UBASH3B: variants seen among roughly 807,000 people sequenced by gnomAD.
UBASH3B encodes the protein ubiquitin associated and SH3 domain containing B.
In UBASH3B, 37 loss-of-function variants were observed where a neutral mutation model predicts 83.4. The ratio of observed to expected loss-of-function variants is 0.44; its 90% confidence interval spans 0.34 to 0.58. The LOEUF is 0.58. Among genes scored for constraint, UBASH3B ranks in the 20% least tolerant of loss-of-function variants. UBASH3B has a pLI of 0.01. For synonymous variants in UBASH3B, 304 were observed against 318.3 expected, an observed-to-expected ratio of 0.96 and a Z score of 0.48; for missense variants, 657 against 827.2, an observed-to-expected ratio of 0.79 and a Z score of 2.52.
chr11:122,798,883 G>A (rs1396114166), intron 9 of UBASH3B, 59 bp from the exon 10 acceptor site: 6 of 1,447,000 alleles, frequency 4.1e-6, no homozygotes, highest in African/African-American at 2.8e-5. Flanking sequence ...CTCACACTGC[G>A]GGTCAAGGTG....
intron 1 of UBASH3B, among the ~76,000 whole-genome samples, chr11:122,712,360 C>G (rs1292708466): frequency 1.3e-5 from 2 of 152,130 alleles, no homozygotes; most frequent in East Asian, 3.8e-4. Context: ...GGGAGGTCTG[C>G]TGACTTTCCT....
intron 13 of UBASH3B, among the ~76,000 whole-genome samples, chr11:122,809,540 C>A (rs7950464): frequency 0.025 from 3,739 of 148,404 alleles, 156 homozygotes; most frequent in African/African-American, 0.086. Flanking sequence ...TCTGATGAAT[C>A]CTCTTGCAAT....
intron 1 of UBASH3B, among the ~76,000 whole-genome samples, chr11:122,720,383 T>A (rs1343800302): frequency 1.3e-5 from 2 of 152,230 alleles, no homozygotes; most frequent in Non-Finnish European, 2.9e-5. Context: ...TTGCTTGTAT[T>A]ATTGCAATTG....
chr11:122,706,068 T>C (rs146354962), intron 1 of UBASH3B, among the ~76,000 whole-genome samples: 8 of 152,016 alleles, frequency 5.3e-5, no homozygotes, highest in African/African-American at 1.9e-4. Flanking sequence ...AGCCAAAAAA[T>C]TCCTTCTTTA....
chr11:122,799,856 A>G (rs1347553821), intron 10 of UBASH3B, among the ~76,000 whole-genome samples: 1 of 152,226 alleles, frequency 6.6e-6, no homozygotes. Flanking sequence ...AAGGAAAACT[A>G]AAAGCAACAG....
At chr11:122,776,854 G>A (rs1426245667) in intron 2 of UBASH3B, among the ~76,000 whole-genome samples, 170 bp from the exon 3 acceptor site, 1 of 152,182 alleles carries the variant, frequency 6.6e-6, no homozygotes, top group Non-Finnish European at 1.5e-5. Flanking sequence ...TCTGAGAATT[G>A]GTTATGAAGT....
chr11:122,776,410 T>G, intron 2 of UBASH3B, 138 bp downstream of exon 2: 1 of 750,698 alleles, frequency 1.3e-6, no homozygotes, highest in Non-Finnish European at 2.1e-6. Context: ...CAAGTGCGTT[T>G]ATCAAGTCAA....
At chr11:122,761,161 C>T (rs1861364920) in intron 1 of UBASH3B, among the ~76,000 whole-genome samples, 1 of 152,146 alleles carries the variant, frequency 6.6e-6, no homozygotes. Context: ...AGTGGCATCT[C>T]CCCACTCTCC....
intron 1 of UBASH3B, among the ~76,000 whole-genome samples, chr11:122,668,575 G>T (rs1333772008): frequency 6.6e-6 from 1 of 152,128 alleles, no homozygotes; most frequent in Non-Finnish European, 1.5e-5. Context: ...CCATCCATGA[G>T]GGTAAGAACA....
chr11:122,796,800 G>A (rs1393008001), intron 8 of UBASH3B, 111 bp from the exon 9 acceptor site: 3 of 1,429,274 alleles, frequency 2.1e-6, no homozygotes, highest in Non-Finnish European at 9.8e-7. Context: ...AGAGCTCAGT[G>A]TGATCTCTTT....
In UBASH3B at chr11:122,667,799, G is replaced by A. The variant is rs183895343; in HGVS notation, c.161+11589G>A. Among the ~76,000 whole-genome samples, 290 of 152,306 alleles carry A rather than the reference G, an allele frequency of 1.9e-3. 2 individuals carry two copies. The highest frequency in any genetic ancestry group is 6.7e-3 in the African/African-American group (279 of 41,562). Reference sequence around the variant, plus strand: ...TGGAATTGCTAGTAGGGCTCATCTAGTCTAGTACCCTTTTTCTTTACACTT... The same window carrying A: ...TGGAATTGCTAGTAGGGCTCATCTAATCTAGTACCCTTTTTCTTTACACTT... On this transcript the variant is annotated intron_variant, in intron 1 of 13. Transcript: ENST00000284273.
chr11:122,731,355 G>C (rs557704141), intron 1 of UBASH3B, among the ~76,000 whole-genome samples: 1 of 152,244 alleles, frequency 6.6e-6, no homozygotes, highest in South Asian at 2.1e-4. Flanking sequence ...TTATTAAGTT[G>C]AGAACTTTCA....
intron 11 of UBASH3B, among the ~76,000 whole-genome samples, chr11:122,804,960 T>C (rs1309674889): frequency 1.3e-5 from 2 of 152,138 alleles, no homozygotes; most frequent in African/African-American, 2.4e-5. Context: ...CCCAAGGGCA[T>C]TGGTGACTGG....
chr11:122,677,181 G>A (rs931181826), intron 1 of UBASH3B, among the ~76,000 whole-genome samples: 1 of 152,034 alleles, frequency 6.6e-6, no homozygotes. Context: ...TGTTGTAATC[G>A]GTATTATAAG....
intron 1 of UBASH3B, among the ~76,000 whole-genome samples, chr11:122,764,330 G>A (rs770229568): frequency 2.0e-5 from 3 of 152,154 alleles, no homozygotes; most frequent in Non-Finnish European, 2.9e-5. Context: ...ACACTTTATC[G>A]ATGTCACATC....
At chr11:122,749,442 C>T (rs1205964207) in intron 1 of UBASH3B, among the ~76,000 whole-genome samples, 5 of 152,238 alleles carry the variant, frequency 3.3e-5, no homozygotes, top group South Asian at 2.1e-4. Flanking sequence ...TTGCATCTTA[C>T]ATCTGTAATA....
At chr11:122,695,153 G>A (rs560900897) in intron 1 of UBASH3B, among the ~76,000 whole-genome samples, 35 of 151,422 alleles carry the variant, frequency 2.3e-4, no homozygotes, top group Middle Eastern at 3.4e-3. Context: ...TCTTAGACAC[G>A]GGGTTTCACC....
chr11:122,690,513 T>C (rs1398417824), intron 1 of UBASH3B, among the ~76,000 whole-genome samples: 2 of 151,802 alleles, frequency 1.3e-5, no homozygotes, highest in Middle Eastern at 3.2e-3. Flanking sequence ...TGTTACCCTA[T>C]CTGAAGTTCA....
chr11:122,753,152 T>G (rs1861225813), intron 1 of UBASH3B, among the ~76,000 whole-genome samples: 1 of 147,670 alleles, frequency 6.8e-6, no homozygotes, highest in South Asian at 2.1e-4. Flanking sequence ...AAAAAAAAAC[T>G]CGAGTTTCTG....
Sources: allele counts gnomAD v4.1 joint callset (sites outside exome capture counted in the v4.1 genomes callset), GRCh38; gene constraint gnomAD v4.1.1; transcripts MANE v1.5; gene names NCBI Gene and HGNC (gene_info 2026-07-23, HGNC 2026-07-21).